Variants in FKBP4 observed in about 807,000 individuals in gnomAD.
The protein encoded by FKBP4 is FKBP prolyl isomerase 4.
Under a neutral mutation model 54.1 loss-of-function variants are expected in FKBP4, and 28 were observed. That is an observed-to-expected ratio of 0.52 (90% CI 0.38 to 0.71). FKBP4 has a LOEUF of 0.71. Among genes scored for constraint, FKBP4 ranks in the 30% least tolerant of loss-of-function variants. The probability of loss-of-function intolerance (pLI) is 0.00; values close to 1 mark genes in which losing one functional copy is unlikely to be tolerated. For synonymous variants in FKBP4, 223 were observed against 216.1 expected (o/e 1.03, Z -0.28); for missense variants, 493 against 574.4 (o/e 0.86, Z 1.45).
At chr12:2,797,703 G>A (rs1045872785) in intron 2 of FKBP4, 26 bp from the exon 3 acceptor site, 8 of 1,598,716 alleles carry the variant, frequency 5.0e-6, no homozygotes, top group South Asian at 2.2e-5. Flanking sequence ...CTGCTAAGGC[G>A]GTCCTGTTTG....
Position 2,795,001 on chromosome 12 carries a change from T to G in FKBP4, c.-139T>G, listed in dbSNP as rs946907931. On this transcript the variant is annotated 5_prime_UTR_variant, in exon 1 of 10. Transcript: ENST00000001008. This position sits in a 1 kb window ranked among gnomAD's most constrained non-coding sequence, Gnocchi z 4.3. ...CCAGCTCTCGCGCCGCGTGCAGAGG[T>G]GCTCAAGCCTCCTCGCGGTCCGCAG... The G allele has an allele frequency of 3.8e-5, 14 of 371,672 alleles. No individual in the cohort carries two copies. The highest frequency in any genetic ancestry group is 4.9e-5 in the Admixed American group (1 of 20,252). The allele number at this position is 371,672 out of a possible 1,614,324, so 23.0% of individuals were successfully genotyped here. A position where few individuals can be genotyped will look rare whatever the true frequency, so the allele number is the denominator to read the frequency against.
At chr12:2,800,156 C>T (rs780432546) in intron 7 of FKBP4, 34 bp downstream of exon 7, 6 of 1,601,572 alleles carry the variant, frequency 3.7e-6, no homozygotes, top group Non-Finnish European at 4.3e-6. Flanking sequence ...AGGACACTCC[C>T]AGGAAGAGTT....
In FKBP4 at chr12:2,803,174, A is replaced by G; in HGVS notation, c.1296A>G (p.Gly432=). The change falls in exon 10 of 10, where the codon GGA becomes GGG. Residue 432 remains glycine, a synonymous_variant. Coordinates refer to ENST00000001008, the MANE Select transcript of FKBP4 (RefSeq NM_002014.4). ...AGGCCAAGGCAGAGGCTTCCTCAGG[A>G]GACCATCCCACTGACACAGAGATGA... The part of the protein sequence containing the change: ...ENKAKAEASS[G]DHPTDTEMKE... 1 of 1,606,092 alleles carries G rather than the reference A, an allele frequency of 6.2e-7. No individual in the cohort carries two copies. Among genetic ancestry groups the G allele is most frequent in the Non-Finnish European group, 8.5e-7 (1 of 1,176,276 alleles).
rs1343267356 is a variant in FKBP4, at chr12:2,797,127, C to T, written c.106-11C>T. 1.2e-6 allele frequency: 2 copies of T among 1,612,128 alleles called. No homozygotes were observed. Among genetic ancestry groups the T allele is most frequent in the South Asian group, 1.1e-5 (1 of 90,984 alleles). On this transcript the variant is annotated splice_polypyrimidine_tract_variant and intron_variant, in intron 1 of 9. Transcript: ENST00000001008. ...ACCCTGGGGTACTCACTTTCTCCCCCTTCCTCCCAGGTCATCAAGAGAGAG... is the reference window on the plus strand; with the variant it reads ...ACCCTGGGGTACTCACTTTCTCCCCTTTCCTCCCAGGTCATCAAGAGAGAG...
At position 2,799,074 on chromosome 12, in the gene FKBP4, C is replaced by T. The variant is rs1565396940; in HGVS notation, c.515-14C>T. ...CTCTTACAACTCTGGTACACTGCCT[C>T]TCTTTCATGCCAGTTGCACTGGAAG... On this transcript the variant is annotated splice_polypyrimidine_tract_variant and intron_variant, in intron 4 of 9. Transcript: ENST00000001008. The T allele has an allele frequency of 6.6e-7, 1 of 1,523,222 alleles. No individual in the cohort carries two copies. Among genetic ancestry groups the T allele is most frequent in the Non-Finnish European group, 8.8e-7 (1 of 1,135,740 alleles). The allele number at this position is 1,523,222 out of a possible 1,614,324, so 94.4% of individuals were successfully genotyped here. A position where few individuals can be genotyped will look rare whatever the true frequency, so the allele number is the denominator to read the frequency against.
At chr12:2,796,921 CT>C in intron 1 of FKBP4, 1 of 1,353,844 alleles carries the variant, frequency 7.4e-7, no homozygotes, top group Non-Finnish European at 9.5e-7. Context: ...CTTTTGTCTC[CT>C]TTTTCAAACC....
At chr12:2,799,827 C>A (rs1230979091) in intron 5 of FKBP4, 23 bp from the exon 6 acceptor site, 4 of 1,601,574 alleles carry the variant, frequency 2.5e-6, no homozygotes, top group East Asian at 4.5e-5. Context: ...CAAGATGATA[C>A]ATAGTGTTTT....
Position 2,799,844 on chromosome 12 carries a change from C to T in FKBP4, c.672-6C>T, listed in dbSNP as rs751893607. On this transcript the variant is annotated splice_polypyrimidine_tract_variant and splice_region_variant and intron_variant, in intron 5 of 9. Coordinates refer to ENST00000001008, the MANE Select transcript of FKBP4 (RefSeq NM_002014.4). Reference sequence around the variant, plus strand: ...AGATGATACATAGTGTTTTTCACCCCTCCAGCTATGCTTTTGGCAGTGTTG... The same window carrying T: ...AGATGATACATAGTGTTTTTCACCCTTCCAGCTATGCTTTTGGCAGTGTTG... The T allele has an allele frequency of 1.4e-5, 22 of 1,613,050 alleles. No individual in the cohort carries two copies. The South Asian group carries it at 2.4e-4, about 18-fold the overall frequency.
chr12:2,801,784 G>C, intron 9 of FKBP4: 1 of 340,560 alleles, frequency 2.9e-6, no homozygotes, highest in Non-Finnish European at 5.9e-6. Context: ...CTTTTTGTGT[G>C]TGATTAAATA....
rs2097903020 is a variant in FKBP4 at position 2,798,392 on chromosome 12, G to A, written c.394-314G>A. On this transcript the variant is annotated intron_variant, in intron 3 of 9. Transcript: ENST00000001008. This position sits in a 1 kb window ranked among gnomAD's most constrained non-coding sequence, Gnocchi z 4.3. ...AATCATTTCTAATACCTACCAGGTT[G>A]GGCTTATCAGGTAGTGTGAATTAGG... Among the ~76,000 whole-genome samples, 1 of 152,204 alleles carries A rather than the reference G, an allele frequency of 6.6e-6. No homozygotes were observed. Among genetic ancestry groups the A allele is most frequent in the Non-Finnish European group, 1.5e-5 (1 of 68,032 alleles).
intron 1 of FKBP4, chr12:2,796,225 G>A (rs1603481291): frequency 7.8e-6 from 10 of 1,289,128 alleles, no homozygotes; most frequent in Admixed American, 6.9e-5. Context: ...ACCTCAGGGG[G>A]CCTTTACCTG....
rs2153919628 is a variant in FKBP4 at position 2,798,428 on chromosome 12, A to G, written c.394-278A>G. Among the ~76,000 whole-genome samples the G allele has an allele frequency of 6.6e-6, 1 of 152,312 alleles. No individual in the cohort carries two copies. The highest frequency in any genetic ancestry group is 2.4e-5 in the African/African-American group (1 of 41,576). On this transcript the variant is annotated intron_variant, in intron 3 of 9. Transcript: ENST00000001008. The surrounding 1 kb of genome is among the most constrained non-coding windows in gnomAD (Gnocchi z 4.3). ...GTAGTGTGAATTAGGATTATCTGGG[A>G]CGCGTCCTGATATGTCCGTGTTAGT...
chr12:2,797,930 C>G, intron 3 of FKBP4, 59 bp downstream of exon 3: 1 of 1,558,036 alleles, frequency 6.4e-7, no homozygotes. Context: ...AGCCCAATGC[C>G]TGGCTGCCCT....
chr12:2,797,465 TCTC>T (rs1019229833), intron 2 of FKBP4, among the ~76,000 whole-genome samples, 183 bp downstream of exon 2: 4 of 151,830 alleles, frequency 2.6e-5, no homozygotes, highest in South Asian at 2.1e-4. Flanking sequence ...TGTCTCCCCT[TCTC>T]CTCATCACCT....
Position 2,798,826 on chromosome 12 carries a change from G to A in FKBP4, c.514G>A (p.Val172Ile), listed in dbSNP as rs1265991230. The A allele has an allele frequency of 3.7e-6, 6 of 1,614,040 alleles. No homozygotes were observed. Among genetic ancestry groups the A allele is most frequent in the Middle Eastern group, 1.6e-4 (1 of 6,062 alleles). The change falls in exon 4 of 10, where the codon GTT (valine) becomes ATT (isoleucine). Residue 172 changes from valine (V) to isoleucine (I), a missense_variant and splice_region_variant. Transcript: ENST00000001008. This position sits in a 1 kb window ranked among gnomAD's most constrained non-coding sequence, Gnocchi z 4.3. Reference sequence around the variant, plus strand: ...GCCCAATGAGGGTGCTATCGTGGAGGGTGAGACAGTACAGTCTGGGCTTTC... The same window carrying A: ...GCCCAATGAGGGTGCTATCGTGGAGAGTGAGACAGTACAGTCTGGGCTTTC... ...AKPNEGAIVE[V>I]ALEGYYKDKL...
Position 2,799,173 on chromosome 12 carries a change from G to C in FKBP4, c.600G>C (p.Leu200=). 1 of 1,595,636 alleles carries C rather than the reference G, an allele frequency of 6.3e-7. No homozygotes were observed. Among genetic ancestry groups the C allele is most frequent in the Non-Finnish European group, 8.5e-7 (1 of 1,172,740 alleles). The part of the protein sequence containing the change: ...FEIGEGENLD[L]PYGLERAIQR... The stretch of plus-strand genomic sequence containing the variant: ...TTGGCGAGGGGGAGAACCTGGATCT[G>C]CCTTATGGTCTGGAGAGGGCCATTC... Residue 200 remains leucine (L), a synonymous_variant, in exon 5 of 10, where the codon CTG becomes CTC. Transcript: ENST00000001008.
In FKBP4 at chr12:2,795,180, A is replaced by C. The variant is rs1168259133; in HGVS notation, c.41A>C (p.Gln14Pro). The C allele has an allele frequency of 1.5e-6, 2 of 1,319,894 alleles. No homozygotes were observed. The highest frequency in any genetic ancestry group is 9.7e-7 in the Non-Finnish European group (1 of 1,025,960). The allele number at this position is 1,319,894 out of a possible 1,614,324, so 81.8% of individuals were successfully genotyped here. ...ATGAAGGCGACCGAGAGCGGGGCGC[A>C]GTCGGCGCCGCTGCCCATGGAGGGA... is the stretch of plus-strand genomic sequence containing the variant. ...EEMKATESGA[Q>P]SAPLPMEGVD... Residue 14 changes from glutamine to proline, a missense_variant, in exon 1 of 10, where the codon CAG becomes CCG. Transcript: ENST00000001008. This position sits in a 1 kb window ranked among gnomAD's most constrained non-coding sequence, Gnocchi z 4.3.
Position 2,798,620 on chromosome 12 carries a change from G to A in FKBP4, c.394-86G>A. ...GTGGTCAGATCCGGCCTGGCAGTTA[G>A]TAGGGACTCTCTCGGATGAGAAAGA... On this transcript the variant is annotated intron_variant, in intron 3 of 9. Coordinates refer to ENST00000001008, the MANE Select transcript of FKBP4 (RefSeq NM_002014.4). This position sits in a 1 kb window ranked among gnomAD's most constrained non-coding sequence, Gnocchi z 4.3. The A allele has an allele frequency of 6.3e-7, 1 of 1,598,298 alleles. No homozygotes were observed. Among genetic ancestry groups the A allele is most frequent in the African/African-American group, 1.3e-5 (1 of 74,802 alleles).
chr12:2,799,779 C>T, intron 5 of FKBP4, 71 bp from the exon 6 acceptor site: 1 of 1,326,836 alleles, frequency 7.5e-7, no homozygotes, highest in Non-Finnish European at 1.1e-6. Context: ...AGGAAATGGA[C>T]AGGAAGCCTT....
Sources: allele counts gnomAD v4.1 joint callset (sites outside exome capture counted in the v4.1 genomes callset), GRCh38; gene constraint gnomAD v4.1.1; non-coding constraint Gnocchi (gnomAD v3.1); transcripts MANE v1.5; gene names NCBI Gene and HGNC (gene_info 2026-07-23, HGNC 2026-07-21).